NR6A1: variants seen among roughly 807,000 people sequenced by gnomAD.
NR6A1 encodes nuclear receptor subfamily 6 group A member 1.
In NR6A1, 7 loss-of-function variants were observed where a neutral mutation model predicts 59.1. The ratio of observed to expected loss-of-function variants is 0.12; its 90% CI spans 0.07 to 0.22. The LOEUF (loss-of-function observed/expected upper bound fraction) is 0.22. NR6A1 is among the 10% of genes least tolerant of loss of function. The pLI is 1.00. For synonymous variants in NR6A1, 243 were observed against 236.1 expected (o/e 1.03, Z -0.27); for missense variants, 468 against 611.6 (o/e 0.77, Z 2.48).
chr9:124,552,212 G>A (rs983600267), intron 3 of NR6A1, among the ~76,000 whole-genome samples: 2 of 152,186 alleles, frequency 1.3e-5, no homozygotes, highest in African/African-American at 4.8e-5. Context: ...CTCACAGTGA[G>A]GGCAACAAAG....
At chr9:124,609,191 T>G (rs186804461) in intron 2 of NR6A1, among the ~76,000 whole-genome samples, 1 of 152,338 alleles carries the variant, frequency 6.6e-6, no homozygotes, top group East Asian at 1.9e-4. Flanking sequence ...TCTGTGCCTA[T>G]GTCCTGAATG....
chr9:124,687,314 A>G (rs1212775634), intron 2 of NR6A1, among the ~76,000 whole-genome samples: 1 of 151,324 alleles, frequency 6.6e-6, no homozygotes, highest in Non-Finnish European at 1.5e-5. Flanking sequence ...TTATTTATTT[A>G]TTTATTGGTA....
intron 1 of NR6A1, among the ~76,000 whole-genome samples, chr9:124,761,126 T>C (rs926864165): frequency 6.6e-6 from 1 of 152,196 alleles, no homozygotes; most frequent in Admixed American, 6.5e-5. Context: ...GCAATTTAAC[T>C]CAACTGAAGA....
At chr9:124,545,486 G>C (rs1833570394) in intron 3 of NR6A1, among the ~76,000 whole-genome samples, 1 of 152,214 alleles carries the variant, frequency 6.6e-6, no homozygotes, top group South Asian at 2.1e-4. Flanking sequence ...GCCTATGTTA[G>C]AGCTAGATGT....
intron 1 of NR6A1, among the ~76,000 whole-genome samples, chr9:124,751,351 A>G (rs778565380): frequency 2.0e-5 from 3 of 152,240 alleles, no homozygotes; most frequent in Non-Finnish European, 4.4e-5. Context: ...AGAACGAGAG[A>G]AAAATTAAGT....
intron 2 of NR6A1, among the ~76,000 whole-genome samples, chr9:124,584,792 T>C (rs1434187189): frequency 1.3e-5 from 2 of 152,168 alleles, no homozygotes; most frequent in Non-Finnish European, 1.5e-5. Flanking sequence ...AAGGCCTCTA[T>C]GTGTTCAAGT....
chr9:124,726,294 G>C (rs1342704528), intron 2 of NR6A1, among the ~76,000 whole-genome samples: 1 of 152,144 alleles, frequency 6.6e-6, no homozygotes, highest in Non-Finnish European at 1.5e-5. Flanking sequence ...CACTAGTTCT[G>C]TGAATTGTCC....
chr9:124,706,828 C>T (rs1426722449), intron 2 of NR6A1, among the ~76,000 whole-genome samples: 1 of 152,122 alleles, frequency 6.6e-6, no homozygotes, highest in Non-Finnish European at 1.5e-5. Context: ...CAATTTTGTT[C>T]CCTTTCCACA....
Position 124,741,843 on chromosome 9 carries a change from G to A in NR6A1, c.101-8494C>T, listed in dbSNP as rs367722667. Among the ~76,000 whole-genome samples, 24 of 152,174 alleles carry A rather than the reference G, an allele frequency of 1.6e-4. No individual in the cohort carries two copies. The East Asian group carries it at 2.9e-3, about 18-fold the overall frequency. ...CTCTGGGCCAATTTCCTCATCTGTC[G>A]ATTATGAGTACTCAATGATATGATG... On this transcript the variant is annotated intron_variant, in intron 1 of 9. Transcript: ENST00000487099.
intron 2 of NR6A1, among the ~76,000 whole-genome samples, chr9:124,657,090 A>G (rs1837281088): frequency 6.9e-6 from 1 of 144,386 alleles, no homozygotes; most frequent in Non-Finnish European, 1.5e-5. Flanking sequence ...CACAACTTAG[A>G]AAAAAAAAAG....
intron 2 of NR6A1, among the ~76,000 whole-genome samples, chr9:124,559,912 T>C (rs1222797158): frequency 2.0e-5 from 3 of 152,248 alleles, no homozygotes; most frequent in Admixed American, 6.5e-5. Flanking sequence ...TTTTTCTTAA[T>C]ATCATTTAAG....
In NR6A1 at chr9:124,517,376, T is replaced by C. The variant is rs968023366; in HGVS notation, c.*5329A>G. 1.3e-5 allele frequency: 2 copies of C among 152,310 alleles called. No individual in the cohort carries two copies. The highest frequency in any genetic ancestry group is 4.8e-5 in the African/African-American group (2 of 41,464). 9.4% of individuals were successfully genotyped at this position (152,310 alleles called of 1,614,324 possible). On this transcript the variant is annotated 3_prime_UTR_variant, in exon 10 of 10. Transcript: ENST00000487099. ...TGGTCACATTTCCACAGGTAGTCAA[T>C]TCACAGAACAGGGCCCATCCCTTGC...
At chr9:124,756,765 C>T (rs555205749) in intron 1 of NR6A1, among the ~76,000 whole-genome samples, 5 of 152,286 alleles carry the variant, frequency 3.3e-5, no homozygotes, top group South Asian at 4.1e-4. Context: ...ACATTAAAGA[C>T]TGTGGGAGAT....
At chr9:124,552,886 T>C (rs1229947488) in intron 3 of NR6A1, among the ~76,000 whole-genome samples, 1 of 152,170 alleles carries the variant, frequency 6.6e-6, no homozygotes, top group East Asian at 1.9e-4. Flanking sequence ...TTTTAAAAGG[T>C]CCTTCTTATC....
chr9:124,699,238 C>T (rs1253071308), intron 2 of NR6A1, among the ~76,000 whole-genome samples: 1 of 152,146 alleles, frequency 6.6e-6, no homozygotes, highest in Non-Finnish European at 1.5e-5. Flanking sequence ...CAGACAAGAT[C>T]CTCTCACTAC....
intron 1 of NR6A1, among the ~76,000 whole-genome samples, chr9:124,746,114 T>C (rs1380941691): frequency 1.3e-5 from 2 of 152,158 alleles, no homozygotes; most frequent in Non-Finnish European, 2.9e-5. Context: ...ATTACTATCT[T>C]ATTAGAAACA....
chr9:124,607,477 T>C (rs1049323883), intron 2 of NR6A1: 5 of 151,990 alleles, frequency 3.3e-5, no homozygotes, highest in African/African-American at 4.8e-5. Flanking sequence ...AATAGGAAGA[T>C]AGAATAAAAG....
intron 2 of NR6A1, among the ~76,000 whole-genome samples, chr9:124,684,637 G>A (rs1838272386): frequency 6.6e-6 from 1 of 152,146 alleles, no homozygotes; most frequent in African/African-American, 2.4e-5. Flanking sequence ...CCTCCCCAGA[G>A]AGCAGCCAGG....
chr9:124,538,023 G>A, intron 6 of NR6A1, 69 bp downstream of exon 6: 1 of 1,306,590 alleles, frequency 7.7e-7, no homozygotes, highest in Non-Finnish European at 1.1e-6. Context: ...AGGAGCCAGG[G>A]ACGCGAGTGG....
Sources: gnomAD v4.1 joint callset for allele counts (sites outside exome capture counted in the v4.1 genomes callset) on GRCh38, gnomAD v4.1.1 for gene constraint, MANE v1.5 for transcripts, NCBI Gene and HGNC (gene_info 2026-07-23, HGNC 2026-07-21) for gene names.